ITGA4: variants seen among roughly 807,000 people sequenced by gnomAD.
ITGA4 encodes integrin subunit alpha 4, also known as integrin alpha-4.
In ITGA4, 63 loss-of-function variants were observed where a neutral mutation model predicts 133.6. The observed-to-expected ratio is 0.47, with a 90% confidence interval of 0.38 to 0.58. ITGA4 has a LOEUF of 0.58. Among genes scored for constraint, ITGA4 ranks in the 20% least tolerant of loss-of-function variants. The probability of loss-of-function intolerance (pLI) is 0.00; values close to 1 mark genes in which losing one functional copy is unlikely to be tolerated. For missense variants in ITGA4, 1,076 were observed against 1,252.7 expected, an observed-to-expected ratio of 0.86 and a Z score of 2.13; for synonymous variants, 483 against 438.0, an observed-to-expected ratio of 1.10 and a Z score of -1.28.
At chr2:181,474,733 A>G (rs963969650) in intron 2 of ITGA4, among the ~76,000 whole-genome samples, 2 of 152,322 alleles carry the variant, frequency 1.3e-5, no homozygotes, top group East Asian at 3.9e-4. Context: ...GATTGAGTCT[A>G]TCTTTTTATG....
chr2:181,479,705 A>T (rs1366219121), intron 5 of ITGA4: 1 of 152,114 alleles, frequency 6.6e-6, no homozygotes, highest in East Asian at 1.9e-4. Flanking sequence ...CTAAGCTAAC[A>T]TTATTAGTCA....
At position 181,534,931 on chromosome 2, in the gene ITGA4, G is replaced by T; in HGVS notation, c.2999G>T (p.Trp1000Leu). The T allele has an allele frequency of 6.4e-7, 1 of 1,565,458 alleles. No homozygotes were observed. Among genetic ancestry groups the T allele is most frequent in the East Asian group, 2.3e-5 (1 of 43,590 alleles). Reference sequence around the variant, plus strand: ...CTTCTATTGATCTCATATGTTATGTGGAAGGTAAGCATTTAACAATTACCA... The same window carrying T: ...CTTCTATTGATCTCATATGTTATGTTGAAGGTAAGCATTTAACAATTACCA... ...IVLLLISYVM[W>L]KAGFFKRQYK... Residue 1000 changes from tryptophan (W) to leucine (L), a missense_variant, in exon 27 of 28, where the codon TGG (tryptophan) becomes TTG (leucine). Around this residue, in one of 4 missense-constraint regions of ITGA4, gnomAD observed 193 missense variants for 172.3 expected, o/e 1.12. Coordinates refer to ENST00000397033, the MANE Select transcript of ITGA4 (RefSeq NM_000885.6).
At chr2:181,517,972 A>C (rs1018593417) in intron 17 of ITGA4, among the ~76,000 whole-genome samples, 1 of 152,000 alleles carries the variant, frequency 6.6e-6, no homozygotes, top group Non-Finnish European at 1.5e-5. Context: ...TACAAGTCTT[A>C]ATTAAACTTT....
intron 21 of ITGA4, among the ~76,000 whole-genome samples, chr2:181,526,992 C>T (rs769664731): frequency 6.6e-6 from 1 of 151,552 alleles, no homozygotes; most frequent in Non-Finnish European, 1.5e-5. Context: ...CCACCACGCC[C>T]AGCTAATTTT....
Position 181,523,336 on chromosome 2 carries a change from A to G in ITGA4, c.2074-101A>G. The G allele has an allele frequency of 3.0e-6, 2 of 672,088 alleles. No homozygotes were observed. The highest frequency in any genetic ancestry group is 5.3e-6 in the Non-Finnish European group (2 of 378,546). The allele number at this position is 672,088 out of a possible 1,614,324, so 41.6% of individuals were successfully genotyped here. Reference sequence around the variant, plus strand: ...AAATAGTTTTCCTAGAAAAGCAAATACTTCTGGGATGATATTCTTTTCAAT... The same window carrying G: ...AAATAGTTTTCCTAGAAAAGCAAATGCTTCTGGGATGATATTCTTTTCAAT... On this transcript the variant is annotated intron_variant, in intron 18 of 27. Transcript: ENST00000397033. The surrounding 1 kb of genome is among the most constrained non-coding windows in gnomAD (Gnocchi z 4.2).
At chr2:181,458,079 TG>T in intron 1 of ITGA4, 116 bp from the exon 2 acceptor site, 1 of 1,390,188 alleles carries the variant, frequency 7.2e-7, no homozygotes, top group Non-Finnish European at 1.0e-6. Context: ...TCGGGGGTGG[TG>T]GGCGGAGGAG....
rs538208494 is a variant in ITGA4 at position 181,526,821 on chromosome 2, C to CTTTTTTTTTTT, written c.2340-454_2340-444dup. On this transcript the variant is annotated intron_variant, in intron 21 of 27. Coordinates refer to ENST00000397033, the MANE Select transcript of ITGA4 (RefSeq NM_000885.6). ...TGTCACCCAGGTCAGAGCACATGGCCTTTTTTTTTTTTTTTTTTTTTTTTT... is the reference window on the plus strand; with the variant it reads ...TGTCACCCAGGTCAGAGCACATGGCCTTTTTTTTTTTTTTTTTTTTTTTTTTTTTTTTTTTT... 2.0e-3 allele frequency among the ~76,000 whole-genome samples: 82 copies of CTTTTTTTTTTT among 41,008 alleles called. 30 individuals carry two copies. Among genetic ancestry groups the CTTTTTTTTTTT allele is most frequent in the East Asian group, 6.4e-3 (7 of 1,086 alleles). The allele number at this position is 41,008 out of a possible 152,430, so 26.9% of individuals were successfully genotyped here.
At chr2:181,496,994 C>T (rs1247651854) in intron 14 of ITGA4, among the ~76,000 whole-genome samples, 1 of 152,138 alleles carries the variant, frequency 6.6e-6, no homozygotes, top group Non-Finnish European at 1.5e-5. Flanking sequence ...GGCATCTCTA[C>T]TTTAGATCAG....
chr2:181,467,390 C>T (rs1348064008), intron 2 of ITGA4, among the ~76,000 whole-genome samples: 1 of 152,144 alleles, frequency 6.6e-6, no homozygotes, highest in African/African-American at 2.4e-5. Context: ...GGGGAAGTGA[C>T]AGTACGATGA....
At chr2:181,466,875 G>GC (rs1685429682) in intron 2 of ITGA4, among the ~76,000 whole-genome samples, 1 of 152,116 alleles carries the variant, frequency 6.6e-6, no homozygotes, top group Non-Finnish European at 1.5e-5. Context: ...ACCCTGAGGA[G>GC]CAGAGGCATT....
chr2:181,475,836 C>G, intron 4 of ITGA4: 2 of 1,603,752 alleles, frequency 1.2e-6, no homozygotes, highest in South Asian at 2.3e-5. Context: ...TCAGCAAGTA[C>G]AGAGCTAGGA....
intron 9 of ITGA4, among the ~76,000 whole-genome samples, chr2:181,485,261 C>T (rs1264124886): frequency 6.6e-6 from 1 of 152,174 alleles, no homozygotes; most frequent in East Asian, 1.9e-4. Context: ...TTGTCTCATT[C>T]ATTATACATA....
intron 17 of ITGA4, among the ~76,000 whole-genome samples, chr2:181,519,730 GT>G (rs1343077182): frequency 2.0e-5 from 3 of 152,094 alleles, no homozygotes; most frequent in Admixed American, 6.6e-5. Flanking sequence ...AGATCGCAAT[GT>G]GGTAATGCTA....
Position 181,457,618 on chromosome 2 carries a change from T to C in ITGA4, c.-37T>C. The C allele has an allele frequency of 6.3e-7, 1 of 1,582,434 alleles. No individual in the cohort carries two copies. Among genetic ancestry groups the C allele is most frequent in the Non-Finnish European group, 8.6e-7 (1 of 1,164,810 alleles). ...CGCATCCCGTGCAACTTTGGGGTAGTGGCCGTTTAGTGTTGAATGTTCCCC... is the reference window on the plus strand; with the variant it reads ...CGCATCCCGTGCAACTTTGGGGTAGCGGCCGTTTAGTGTTGAATGTTCCCC... On this transcript the variant is annotated 5_prime_UTR_variant, in exon 1 of 28. Coordinates refer to ENST00000397033, the MANE Select transcript of ITGA4 (RefSeq NM_000885.6).
chr2:181,493,479 C>T (rs1014334268), intron 11 of ITGA4, 60 bp downstream of exon 11: 6 of 1,003,848 alleles, frequency 6.0e-6, no homozygotes, highest in Non-Finnish European at 9.1e-6. Context: ...CTTAAAACTT[C>T]CAGGGTTTAT....
chr2:181,507,047 A>T (rs1251699529), intron 15 of ITGA4, among the ~76,000 whole-genome samples: 1 of 152,098 alleles, frequency 6.6e-6, no homozygotes, highest in African/African-American at 2.4e-5. Flanking sequence ...AGATGAGAAG[A>T]ACTTATAGAT....
intron 17 of ITGA4, among the ~76,000 whole-genome samples, chr2:181,514,603 G>A (rs183237024): frequency 1.5e-4 from 22 of 147,264 alleles, no homozygotes; most frequent in African/African-American, 3.9e-4. Context: ...TTCCTAAACC[G>A]CTTAATTATC....
At chr2:181,486,116 GTTT>G in intron 10 of ITGA4, 124 bp downstream of exon 10, 2 of 1,313,482 alleles carry the variant, frequency 1.5e-6, no homozygotes, top group Non-Finnish European at 2.0e-6. Flanking sequence ...GGCATGCTAA[GTTT>G]TTTCTTTTCT....
intron 20 of ITGA4, among the ~76,000 whole-genome samples, chr2:181,524,698 C>T (rs2105766905): frequency 6.6e-6 from 1 of 152,136 alleles, no homozygotes; most frequent in South Asian, 2.1e-4. Context: ...AACACAACAA[C>T]TTGGTCACCC....
Sources: gnomAD v4.1 joint callset for allele counts (sites outside exome capture counted in the v4.1 genomes callset) on GRCh38, gnomAD v4.1.1 for gene constraint, gnomAD v4.1.1 regional missense constraint, Gnocchi (gnomAD v3.1) non-coding constraint, MANE v1.5 for transcripts, NCBI Gene and HGNC (gene_info 2026-07-23, HGNC 2026-07-21) for gene names.